PPP1CB: variants seen among roughly 807,000 people sequenced by gnomAD.
PPP1CB encodes the protein protein phosphatase 1 catalytic subunit beta.
Under a neutral mutation model 43.7 loss-of-function variants are expected in PPP1CB, and 2 were observed. The ratio of observed to expected loss-of-function variants is 0.05; its 90% CI spans 0.02 to 0.14. The LOEUF is 0.14. Among genes scored for constraint, PPP1CB ranks in the 10% least tolerant of loss-of-function variants. The probability of loss-of-function intolerance (pLI) is 1.00; values close to 1 mark genes in which losing one functional copy is unlikely to be tolerated. For missense variants in PPP1CB, 84 were observed against 398.0 expected (o/e 0.21, Z 6.71); for synonymous variants, 136 against 135.6 (o/e 1.00, Z -0.02).
At chr2:28,792,447 AG>A (rs1036437524) in intron 6 of PPP1CB, among the ~76,000 whole-genome samples, 4 of 152,066 alleles carry the variant, frequency 2.6e-5, no homozygotes, top group Non-Finnish European at 4.4e-5. Context: ...CTTGAGCCCC[AG>A]GAAGTTGTGA....
chr2:28,791,929 A>G (rs1667396126), intron 6 of PPP1CB, among the ~76,000 whole-genome samples: 1 of 152,236 alleles, frequency 6.6e-6, no homozygotes, highest in Non-Finnish European at 1.5e-5. Context: ...TCCCTTTAAA[A>G]AAGAAAATTT....
rs11898269 is a variant in PPP1CB at position 28,757,987 on chromosome 2, G to A, written c.52+5811G>A. Among the ~76,000 whole-genome samples the A allele has an allele frequency of 3.1e-3, 473 of 150,408 alleles. 1 individual carries two copies. The highest frequency in any genetic ancestry group is 0.011 in the African/African-American group (453 of 40,864). On this transcript the variant is annotated intron_variant, in intron 1 of 7. Transcript: ENST00000395366. ...GGTCTTTTTCTTCCTTATTCTCCACGTTTATTACTTTTAAAAGAGTATACA... is the reference window on the plus strand; with the variant it reads ...GGTCTTTTTCTTCCTTATTCTCCACATTTATTACTTTTAAAAGAGTATACA...
intron 7 of PPP1CB, among the ~76,000 whole-genome samples, chr2:28,794,630 G>T (rs1222223104): frequency 2.0e-5 from 3 of 152,100 alleles, no homozygotes; most frequent in Admixed American, 2.0e-4. Context: ...GGCAGAGGTT[G>T]CAGTGAGCCG....
At chr2:28,752,290 T>G (rs1666322642) in intron 1 of PPP1CB, 114 bp downstream of exon 1, 5 of 1,026,644 alleles carry the variant, frequency 4.9e-6, no homozygotes, top group Admixed American at 6.0e-5. Flanking sequence ...GAGACGAGTC[T>G]CTGGGAGCGC....
chr2:28,783,771 A>G (rs1667205098), intron 4 of PPP1CB, 136 bp from the exon 5 acceptor site: 2 of 605,060 alleles, frequency 3.3e-6, no homozygotes, highest in Admixed American at 5.9e-5. Context: ...AAAAAAAAAG[A>G]CGTTAAAAGG....
intron 1 of PPP1CB, among the ~76,000 whole-genome samples, chr2:28,773,580 C>T (rs1443611183): frequency 4.6e-5 from 7 of 152,170 alleles, no homozygotes; most frequent in East Asian, 3.8e-4. Flanking sequence ...AATCCAGCAG[C>T]GTTCAGATAT....
At position 28,799,431 on chromosome 2, in the gene PPP1CB, C is replaced by T. The variant is rs949800886; in HGVS notation, c.*128C>T. 1.4e-5 allele frequency: 9 copies of T among 656,498 alleles called. No individual in the cohort carries two copies. The highest frequency in any genetic ancestry group is 5.2e-5 in the South Asian group (2 of 38,776). 40.7% of individuals were successfully genotyped at this position (656,498 alleles called of 1,614,324 possible). On this transcript the variant is annotated 3_prime_UTR_variant, in exon 8 of 8. Transcript: ENST00000395366. Reference sequence around the variant, plus strand: ...ATGTCACACCTTTAACTTAAGGAGACGGGTAAAGGATCTTAAATTTTTTTC... The same window carrying T: ...ATGTCACACCTTTAACTTAAGGAGATGGGTAAAGGATCTTAAATTTTTTTC...
At chr2:28,789,103 A>G (rs1299893785) in intron 6 of PPP1CB, among the ~76,000 whole-genome samples, 1 of 152,170 alleles carries the variant, frequency 6.6e-6, no homozygotes, top group Non-Finnish European at 1.5e-5. Flanking sequence ...AAGCTAAATG[A>G]GTTGTACAAG....
At chr2:28,756,005 ATT>A (rs1484315712) in intron 1 of PPP1CB, among the ~76,000 whole-genome samples, 2 of 152,182 alleles carry the variant, frequency 1.3e-5, no homozygotes, top group East Asian at 3.8e-4. Context: ...ATTTTGATAT[ATT>A]TTTGTTTAAA....
At chr2:28,757,229 G>A (rs1666514098) in intron 1 of PPP1CB, among the ~76,000 whole-genome samples, 1 of 152,066 alleles carries the variant, frequency 6.6e-6, no homozygotes, top group African/African-American at 2.4e-5. Context: ...TTTTATGGCT[G>A]AATAATATTC....
chr2:28,757,382 T>G (rs1666519823), intron 1 of PPP1CB, among the ~76,000 whole-genome samples: 1 of 152,100 alleles, frequency 6.6e-6, no homozygotes. Context: ...TTCAATTCCG[T>G]TGGGTATATA....
At chr2:28,798,568 AAAG>A (rs1356472562) in intron 7 of PPP1CB, among the ~76,000 whole-genome samples, 2 of 152,074 alleles carry the variant, frequency 1.3e-5, no homozygotes, top group African/African-American at 4.8e-5. Context: ...AACCTGAGTG[AAAG>A]AAGCCAGTCA....
intron 6 of PPP1CB, among the ~76,000 whole-genome samples, chr2:28,790,061 C>T (rs1482497855): frequency 1.3e-5 from 2 of 152,016 alleles, no homozygotes; most frequent in Non-Finnish European, 2.9e-5. Context: ...CAGGCAGATC[C>T]TTTGAGCCCC....
chr2:28,790,303 G>T (rs1667360179), intron 6 of PPP1CB, among the ~76,000 whole-genome samples: 1 of 152,020 alleles, frequency 6.6e-6, no homozygotes, highest in African/African-American at 2.4e-5. Flanking sequence ...ACATTTGATT[G>T]TAGACTTGGT....
chr2:28,778,555 T>G (rs1667086462), intron 2 of PPP1CB: 1 of 507,650 alleles, frequency 2.0e-6, no homozygotes, highest in African/African-American at 1.9e-5. Flanking sequence ...GATGCTTCAT[T>G]AGACAGCTGG....
chr2:28,752,297 G>A, intron 1 of PPP1CB, 121 bp downstream of exon 1: 2 of 959,620 alleles, frequency 2.1e-6, no homozygotes, highest in Admixed American at 3.1e-5. Flanking sequence ...GTCTCTGGGA[G>A]CGCGGCGCGG....
intron 1 of PPP1CB, among the ~76,000 whole-genome samples, chr2:28,764,364 G>T (rs1278637727): frequency 6.6e-6 from 1 of 151,346 alleles, no homozygotes; most frequent in Non-Finnish European, 1.5e-5. Context: ...GGAGGCTGAG[G>T]CAGGAGAATG....
chr2:28,801,821 A>C lies in PPP1CB; in HGVS notation c.*2518A>C, dbSNP rs1296536430. 6.6e-6 allele frequency: 1 copy of C among 152,214 alleles called. No individual in the cohort carries two copies. The highest frequency in any genetic ancestry group is 1.5e-5 in the Non-Finnish European group (1 of 68,038). 9.4% of individuals were successfully genotyped at this position (152,214 alleles called of 1,614,324 possible). On this transcript the variant is annotated 3_prime_UTR_variant, in exon 8 of 8. Transcript: ENST00000395366. ...GGTGTATCACATGGATTATAAAGCA[A>C]AGTTATGGTCGATTTCTATTCTTGA...
At chr2:28,784,432 T>A (rs1667217138) in intron 5 of PPP1CB, among the ~76,000 whole-genome samples, 1 of 152,160 alleles carries the variant, frequency 6.6e-6, no homozygotes, top group African/African-American at 2.4e-5. Context: ...TTTTAGAGCT[T>A]TTTTTCAAGG....
Sources: gnomAD v4.1 joint callset for allele counts (sites outside exome capture counted in the v4.1 genomes callset) on GRCh38, gnomAD v4.1.1 for gene constraint, MANE v1.5 for transcripts, NCBI Gene and HGNC (gene_info 2026-07-23, HGNC 2026-07-21) for gene names.